The following ITPK1 variants were observed in gnomAD, a reference collection of about 807,000 sequenced individuals.
The protein encoded by ITPK1 is inositol 1,3,4-trisphosphate 5/6-kinase.
ITPK1 carries 21 observed loss-of-function variants against 45.3 expected under a neutral mutation model. The observed-to-expected ratio is 0.46, with a 90% CI of 0.33 to 0.67. ITPK1 has a LOEUF of 0.67. ITPK1 is among the 30% of genes least tolerant of loss of function. The pLI, the probability that ITPK1 is intolerant of heterozygous loss-of-function variation, is 0.02. For missense variants in ITPK1, 474 were observed against 573.5 expected, an observed-to-expected ratio of 0.83 and a Z score of 1.77; for synonymous variants, 258 against 253.6, an observed-to-expected ratio of 1.02 and a Z score of -0.16.
chr14:92,964,191 C>G (rs939356022), intron 5 of ITPK1, among the ~76,000 whole-genome samples: 1 of 152,200 alleles, frequency 6.6e-6, no homozygotes, highest in Non-Finnish European at 1.5e-5. Context: ...TGCAGTTTCT[C>G]TGGGGCACTG....
chr14:93,062,073 C>T (rs1017091484), intron 3 of ITPK1, among the ~76,000 whole-genome samples: 1 of 152,172 alleles, frequency 6.6e-6, no homozygotes, highest in African/African-American at 2.4e-5. Flanking sequence ...GAGTTCAAGA[C>T]CACCCTGGCC....
At chr14:93,095,098 C>T (rs1330671594) in intron 2 of ITPK1, among the ~76,000 whole-genome samples, 2 of 152,184 alleles carry the variant, frequency 1.3e-5, no homozygotes, top group African/African-American at 2.4e-5. Flanking sequence ...TCTCTGTCTC[C>T]GCACCAACTG....
In ITPK1 at chr14:93,076,749, TC is replaced by T; in HGVS notation, c.96-131del. 2 of 1,009,344 alleles carry T rather than the reference TC, an allele frequency of 2.0e-6. No homozygotes were observed. Among genetic ancestry groups the T allele is most frequent in the Non-Finnish European group, 3.1e-6 (2 of 649,468 alleles). 62.5% of individuals were successfully genotyped at this position (1,009,344 alleles called of 1,614,324 possible). A position where few individuals can be genotyped will look rare whatever the true frequency, so the allele number is the denominator to read the frequency against. ...AGGAGGGAGCCGGCAGCTGCGCCTC[TC>T]CTGCTACTGTCCCAGAACAGCCATG... On this transcript the variant is annotated intron_variant, in intron 2 of 10. Transcript: ENST00000267615. This position sits in a 1 kb window ranked among gnomAD's most constrained non-coding sequence, Gnocchi z 4.3.
intron 3 of ITPK1, among the ~76,000 whole-genome samples, chr14:93,029,817 C>T (rs1232169599): frequency 6.6e-6 from 1 of 152,312 alleles, no homozygotes; most frequent in African/African-American, 2.4e-5. Context: ...CACTGACCCT[C>T]CCAGGCCCAA....
intron 3 of ITPK1, among the ~76,000 whole-genome samples, chr14:93,054,856 A>G (rs934057947): frequency 3.5e-4 from 53 of 152,272 alleles, no homozygotes; most frequent in African/African-American, 1.2e-3. Flanking sequence ...GAAGTATAAC[A>G]TAAGAAAGGA....
intron 2 of ITPK1, among the ~76,000 whole-genome samples, chr14:93,108,210 T>C (rs939738068): frequency 2.0e-5 from 3 of 152,186 alleles, no homozygotes; most frequent in African/African-American, 7.2e-5. Flanking sequence ...GACAGTGACT[T>C]TGCGAGGGAA....
rs1041720023 is a variant in ITPK1, at chr14:93,004,551, T to A, written c.247-10554A>T. On this transcript the variant is annotated intron_variant, in intron 4 of 10. Transcript: ENST00000267615. Reference sequence around the variant, plus strand: ...GTGTATGTGGGAGCTTGTGAGTGAGTGCGTGTGTGTGTATGAGTGTGAGAG... The same window carrying A: ...GTGTATGTGGGAGCTTGTGAGTGAGAGCGTGTGTGTGTATGAGTGTGAGAG... Among the ~76,000 whole-genome samples the A allele has an allele frequency of 6.6e-5, 10 of 151,614 alleles. No homozygotes were observed. The East Asian group carries it at 1.7e-3, about 26-fold the overall frequency.
At chr14:93,048,260 C>A (rs1305166015) in intron 3 of ITPK1, among the ~76,000 whole-genome samples, 3 of 152,224 alleles carry the variant, frequency 2.0e-5, no homozygotes, top group Non-Finnish European at 2.9e-5. Context: ...TTGGCAAGCG[C>A]CTTCGGCCTT....
At chr14:93,110,665 A>T (rs765444141) in intron 2 of ITPK1, among the ~76,000 whole-genome samples, 1 of 152,196 alleles carries the variant, frequency 6.6e-6, no homozygotes, top group Non-Finnish European at 1.5e-5. Context: ...ATAAACGTGA[A>T]CATTAATGAA....
At chr14:92,944,267 C>G (rs1887574202) in intron 10 of ITPK1, among the ~76,000 whole-genome samples, 2 of 152,100 alleles carry the variant, frequency 1.3e-5, no homozygotes, top group Non-Finnish European at 2.9e-5. Flanking sequence ...AAAGGGTGCT[C>G]TATGGTAAGG....
At chr14:93,028,591 A>AT (rs2139883742) in intron 3 of ITPK1, among the ~76,000 whole-genome samples, 1 of 152,334 alleles carries the variant, frequency 6.6e-6, no homozygotes, top group Admixed American at 6.5e-5. Flanking sequence ...AATACAGCCG[A>AT]TGACAGCTGC....
chr14:92,944,019 CAG>C (rs1369397425), intron 10 of ITPK1, among the ~76,000 whole-genome samples: 3 of 152,252 alleles, frequency 2.0e-5, no homozygotes, highest in Non-Finnish European at 4.4e-5. Context: ...ATCAGCAACA[CAG>C]AGATTCCAGC....
At chr14:93,065,242 T>A (rs912378169) in intron 3 of ITPK1, among the ~76,000 whole-genome samples, 8 of 152,150 alleles carry the variant, frequency 5.3e-5, no homozygotes, top group African/African-American at 1.7e-4. Context: ...CTACAGACAT[T>A]TCTGGCTTTT....
chr14:92,968,661 C>T (rs879689258), intron 5 of ITPK1, among the ~76,000 whole-genome samples: 3 of 152,234 alleles, frequency 2.0e-5, no homozygotes, highest in Non-Finnish European at 4.4e-5. Flanking sequence ...CACCCCCACC[C>T]TTCTGAAATC....
At chr14:92,994,038 G>T in intron 4 of ITPK1, 41 bp from the exon 5 acceptor site, 2 of 1,361,432 alleles carry the variant, frequency 1.5e-6, no homozygotes, top group East Asian at 2.3e-5. Context: ...GCAGGGGTAG[G>T]GCCAGGTAGC....
chr14:92,975,866 C>T (rs183231401), intron 5 of ITPK1, among the ~76,000 whole-genome samples: 11 of 152,238 alleles, frequency 7.2e-5, no homozygotes, highest in African/African-American at 2.4e-4. Flanking sequence ...GGGAGGGAGC[C>T]GGTGGGAGGT....
At chr14:92,981,098 G>C (rs1189006530) in intron 5 of ITPK1, among the ~76,000 whole-genome samples, 1 of 152,188 alleles carries the variant, frequency 6.6e-6, no homozygotes, top group Non-Finnish European at 1.5e-5. Flanking sequence ...CTGGCACACA[G>C]ATTGTGGTTA....
At chr14:93,095,002 ACC>A (rs1892015355) in intron 2 of ITPK1, among the ~76,000 whole-genome samples, 1 of 152,180 alleles carries the variant, frequency 6.6e-6, no homozygotes. Context: ...AAGGGTCACC[ACC>A]TGTGGAAAGC....
At chr14:92,950,655 G>A (rs1027571373) in intron 9 of ITPK1, among the ~76,000 whole-genome samples, 7 of 152,186 alleles carry the variant, frequency 4.6e-5, no homozygotes, top group African/African-American at 7.2e-5. Context: ...CTGCCATCAC[G>A]GCTGCTGGCC....
Sources: gnomAD v4.1 joint callset for allele counts (sites outside exome capture counted in the v4.1 genomes callset) on GRCh38, gnomAD v4.1.1 for gene constraint, Gnocchi (gnomAD v3.1) non-coding constraint, MANE v1.5 for transcripts, NCBI Gene and HGNC (gene_info 2026-07-23, HGNC 2026-07-21) for gene names.